The following TENM3 variants were observed in gnomAD, a reference collection of about 807,000 sequenced individuals.
TENM3 encodes the protein teneurin transmembrane protein 3, also known as teneurin-3.
TENM3 carries 63 observed loss-of-function variants against 255.1 expected under a neutral mutation model. That is an observed-to-expected ratio of 0.25 (90% CI 0.20 to 0.30). TENM3 has a LOEUF of 0.30. Among genes scored for constraint, TENM3 ranks in the 10% least tolerant of loss-of-function variants. TENM3 has a pLI of 1.00. For missense variants in TENM3, 2,929 were observed against 3,461.1 expected, an observed-to-expected ratio of 0.85 and a Z score of 3.86; for synonymous variants, 1,306 against 1,322.3, an observed-to-expected ratio of 0.99 and a Z score of 0.27.
Position 182,226,399 on chromosome 4 carries a change from T to TAATGG in TENM3, c.-76+81650_-76+81654dup, listed in dbSNP as rs1160615480. On this transcript the variant is annotated intron_variant, in intron 1 of 2. Transcript: ENST00000512480. ...ACCAAAATTGGACAAGAAAGATGAC[T>TAATGG]AATGGAATGTAATGAGTTTCTATTT... is the stretch of plus-strand genomic sequence containing the variant. Among the ~76,000 whole-genome samples, 9 of 152,268 alleles carry TAATGG rather than the reference T, an allele frequency of 5.9e-5. No homozygotes were observed. The East Asian group carries it at 1.7e-3, about 29-fold the overall frequency.
chr4:182,389,482 A>T (rs549792926), intron 3 of TENM3, among the ~76,000 whole-genome samples: 1 of 152,232 alleles, frequency 6.6e-6, no homozygotes, highest in Non-Finnish European at 1.5e-5. Flanking sequence ...AGAAAAAAAA[A>T]TTACATATAA....
At chr4:181,796,195 C>CA in the TENM3 span, among the ~76,000 whole-genome samples, 10 of 152,212 alleles carry the variant, frequency 6.6e-5, no homozygotes, top group East Asian at 7.7e-4. Flanking sequence ...CTTATTGTCA[C>CA]CTATGTTCCT....
At chr4:181,837,715 T>C in the TENM3 span, among the ~76,000 whole-genome samples, 6,334 of 152,254 alleles carry the variant, frequency 0.042, 435 homozygotes, top group African/African-American at 0.14. Context: ...GATCTTTCTG[T>C]GGCAATTGAG....
chr4:181,591,832 T>TG, the TENM3 span, among the ~76,000 whole-genome samples: 1 of 152,160 alleles, frequency 6.6e-6, no homozygotes, highest in Non-Finnish European at 1.5e-5. Context: ...AACCAGTCCT[T>TG]GGTGCCAAAA....
chr4:182,797,847 A>G (rs1766608290), intron 27 of TENM3, among the ~76,000 whole-genome samples: 1 of 152,226 alleles, frequency 6.6e-6, no homozygotes, highest in Admixed American at 6.5e-5. Context: ...AACAAAGAGA[A>G]GAGGCAGCCA....
chr4:181,873,995 G>A, the TENM3 span, among the ~76,000 whole-genome samples: 2 of 152,176 alleles, frequency 1.3e-5, no homozygotes, highest in Admixed American at 1.3e-4. Flanking sequence ...ATGTTGGCAA[G>A]GCTGGTCTCA....
intron 6 of TENM3, among the ~76,000 whole-genome samples, chr4:182,662,064 C>T (rs533657010): frequency 2.6e-5 from 4 of 152,208 alleles, no homozygotes; most frequent in South Asian, 2.1e-4. Flanking sequence ...TACAGCATCT[C>T]GGTTGGTAAA....
At chr4:182,394,985 A>G (rs747407698) in intron 3 of TENM3, among the ~76,000 whole-genome samples, 6 of 152,162 alleles carry the variant, frequency 3.9e-5, no homozygotes, top group East Asian at 3.9e-4. Context: ...AGTGGCTTCA[A>G]TTGCAGGATT....
At chr4:181,834,029 C>T in the TENM3 span, among the ~76,000 whole-genome samples, 2 of 151,736 alleles carry the variant, frequency 1.3e-5, no homozygotes, top group South Asian at 2.1e-4. Context: ...AAGGAAAAGA[C>T]CAATTGTATT....
At chr4:181,489,028 C>T in the TENM3 span, among the ~76,000 whole-genome samples, 1 of 152,120 alleles carries the variant, frequency 6.6e-6, no homozygotes, top group Non-Finnish European at 1.5e-5. Flanking sequence ...CTCAAGAATG[C>T]TGACAGACTC....
intron 2 of TENM3, among the ~76,000 whole-genome samples, chr4:182,339,096 T>C (rs533214622): frequency 2.4e-4 from 36 of 152,358 alleles, no homozygotes; most frequent in South Asian, 1.2e-3. Context: ...CCCCTTTTCA[T>C]GTTTTCTGAA....
At chr4:182,438,200 G>T (rs1444854997) in intron 3 of TENM3, among the ~76,000 whole-genome samples, 1 of 152,290 alleles carries the variant, frequency 6.6e-6, no homozygotes, top group South Asian at 2.1e-4. Flanking sequence ...AATTCTTGAA[G>T]GGTGAGCTGT....
chr4:181,554,808 G>C, the TENM3 span, among the ~76,000 whole-genome samples: 4 of 152,266 alleles, frequency 2.6e-5, no homozygotes, highest in Non-Finnish European at 4.4e-5. Context: ...GAAGCAAGTT[G>C]GCTTTAAAGA....
intron 19 of TENM3, among the ~76,000 whole-genome samples, chr4:182,749,873 C>G (rs188265866): frequency 2.6e-5 from 4 of 152,104 alleles, no homozygotes; most frequent in African/African-American, 9.7e-5. Context: ...AGGGGCCTCT[C>G]CAATGTCATG....
intron 2 of TENM3, among the ~76,000 whole-genome samples, chr4:182,344,897 T>C (rs10008471): frequency 0.96 from 146,196 of 152,286 alleles, 70,345 homozygotes; most frequent in East Asian, 1. Flanking sequence ...GATTTACTTT[T>C]ATAAGTACAA....
chr4:182,091,692 G>A, the TENM3 span, among the ~76,000 whole-genome samples: 4 of 152,154 alleles, frequency 2.6e-5, no homozygotes, highest in African/African-American at 9.7e-5. Context: ...CTAATAATGG[G>A]TGGTTGCTAA....
At chr4:181,523,969 C>A in the TENM3 span, among the ~76,000 whole-genome samples, 1 of 151,982 alleles carries the variant, frequency 6.6e-6, no homozygotes, top group East Asian at 1.9e-4. Flanking sequence ...TTTTAAGAAA[C>A]AAAAGGCCAT....
the TENM3 span, among the ~76,000 whole-genome samples, chr4:181,494,451 A>G: frequency 6.6e-6 from 1 of 151,788 alleles, no homozygotes; most frequent in Non-Finnish European, 1.5e-5. Context: ...CGCCCAGCTA[A>G]TTTTTTGTAT....
At chr4:182,744,288 A>G (rs979996134) in intron 19 of TENM3, 2 of 486,820 alleles carry the variant, frequency 4.1e-6, no homozygotes, top group Non-Finnish European at 5.3e-6. Flanking sequence ...ATCACACATC[A>G]TCGAAGGAAT....
Sources: gnomAD v4.1 joint callset for allele counts (sites outside exome capture counted in the v4.1 genomes callset) on GRCh38, gnomAD v4.1.1 for gene constraint, MANE v1.5 for transcripts, NCBI Gene and HGNC (gene_info 2026-07-23, HGNC 2026-07-21) for gene names.